ESRRB: variants seen among roughly 807,000 people sequenced by gnomAD.
ESRRB encodes estrogen related receptor beta.
Under a neutral mutation model 46.0 loss-of-function variants are expected in ESRRB, and 16 were observed. The ratio of observed to expected loss-of-function variants is 0.35; its 90% CI spans 0.24 to 0.53. The LOEUF (loss-of-function observed/expected upper bound fraction) is 0.53, where lower values mean the gene tolerates loss of function less well. ESRRB is among the 20% of genes least tolerant of loss of function. The pLI, the probability that ESRRB is intolerant of heterozygous loss-of-function variation, is 0.93. For synonymous variants in ESRRB, 246 were observed against 259.6 expected (o/e 0.95, Z 0.50); for missense variants, 488 against 607.4 (o/e 0.80, Z 2.07).
intron 2 of ESRRB, among the ~76,000 whole-genome samples, chr14:76,447,294 CTTCCTTCT>C (rs1267425686): frequency 8.7e-6 from 1 of 114,942 alleles, no homozygotes; most frequent in African/African-American, 4.0e-5. Flanking sequence ...TCCTTCCTTC[CTTCCTTCT>C]TTCCATTAAC....
chr14:76,469,243 G>A (rs149957152), intron 3 of ESRRB, among the ~76,000 whole-genome samples: 11 of 152,082 alleles, frequency 7.2e-5, no homozygotes, highest in East Asian at 1.9e-4. Context: ...ATAGGCATGC[G>A]CCACCATGCC....
chr14:76,459,359 G>A (rs902132373), intron 2 of ESRRB, among the ~76,000 whole-genome samples: 2 of 152,168 alleles, frequency 1.3e-5, no homozygotes, highest in Non-Finnish European at 2.9e-5. Context: ...ACAACACAGG[G>A]GACATTAATG....
chr14:76,425,562 G>C (rs533792333), intron 1 of ESRRB, among the ~76,000 whole-genome samples: 22 of 151,524 alleles, frequency 1.5e-4, no homozygotes, highest in Middle Eastern at 3.4e-3. Flanking sequence ...AGATTTCCCT[G>C]CTGTCCCTCC....
At chr14:76,334,790 T>C (rs35267160) in intron 1 of ESRRB, among the ~76,000 whole-genome samples, 50,096 of 152,006 alleles carry the variant, frequency 0.33, 9,004 homozygotes, top group Middle Eastern at 0.44. Context: ...GGCTGCTGGG[T>C]TGGGGGAACC....
At chr14:76,372,151 A>G (rs1360101096), upstream of ESRRB, among the ~76,000 whole-genome samples, 3 of 151,966 alleles carry the variant, frequency 2.0e-5, no homozygotes, top group Admixed American at 2.0e-4. Flanking sequence ...TACCCTGAGG[A>G]CTTAGGCAGG....
At chr14:76,462,444 C>T (rs935562884) in intron 2 of ESRRB, 101 bp from the exon 3 acceptor site, 2 of 826,074 alleles carry the variant, frequency 2.4e-6, no homozygotes, top group East Asian at 5.3e-5. Flanking sequence ...GGGGGAGTGG[C>T]AGCTCTGGCA....
intron 6 of ESRRB, among the ~76,000 whole-genome samples, chr14:76,497,353 G>T (rs181954328): frequency 6.6e-6 from 1 of 152,112 alleles, no homozygotes. Context: ...TGCTGATCAC[G>T]CTCTGGGTAA....
intron 1 of ESRRB, among the ~76,000 whole-genome samples, chr14:76,437,560 C>A (rs887363439): frequency 2.0e-5 from 3 of 152,204 alleles, no homozygotes; most frequent in Admixed American, 1.3e-4. Context: ...CTTTGCTCCT[C>A]TGCAAGATCT....
chr14:76,315,204 C>T (rs1883784554), intron 1 of ESRRB, among the ~76,000 whole-genome samples: 1 of 152,064 alleles, frequency 6.6e-6, no homozygotes, highest in Admixed American at 6.5e-5. Context: ...TCTGGGGCAC[C>T]TTCTCCCTTT....
intron 1 of ESRRB, among the ~76,000 whole-genome samples, chr14:76,406,279 G>T (rs1353255017): frequency 6.6e-6 from 1 of 152,148 alleles, no homozygotes; most frequent in Admixed American, 6.5e-5. Context: ...GAGGGTCTCT[G>T]AGGGTGGGAG....
At chr14:76,434,530 C>T (rs1036701294) in intron 1 of ESRRB, among the ~76,000 whole-genome samples, 8 of 151,720 alleles carry the variant, frequency 5.3e-5, no homozygotes, top group Non-Finnish European at 7.4e-5. Context: ...CGTGGAGTCA[C>T]GCGCCTGTAA....
At chr14:76,476,980 T>C (rs1014236095) in intron 3 of ESRRB, among the ~76,000 whole-genome samples, 3 of 152,236 alleles carry the variant, frequency 2.0e-5, no homozygotes, top group Non-Finnish European at 4.4e-5. Context: ...TGGTCCCAGC[T>C]ACTCGAGAGG....
At chr14:76,461,577 C>T (rs573086892) in intron 2 of ESRRB, among the ~76,000 whole-genome samples, 1 of 152,152 alleles carries the variant, frequency 6.6e-6, no homozygotes, top group Non-Finnish European at 1.5e-5. Context: ...GGCGTGATCT[C>T]GGCTCACTGC....
intron 1 of ESRRB, among the ~76,000 whole-genome samples, chr14:76,401,883 A>G (rs981362134): frequency 1.1e-4 from 17 of 152,224 alleles, no homozygotes; most frequent in African/African-American, 4.1e-4. Flanking sequence ...ATTAGCTTAC[A>G]TGATTATGGA....
chr14:76,494,053 G>GC (rs1890328967), intron 6 of ESRRB, among the ~76,000 whole-genome samples: 1 of 152,084 alleles, frequency 6.6e-6, no homozygotes, highest in South Asian at 2.1e-4. Flanking sequence ...CTGAACACAT[G>GC]CCCCCCGTAA....
At position 76,333,166 on chromosome 14, in the gene ESRRB, T is replaced by A. The variant is rs867142305; in HGVS notation, c.2+22250T>A. 1.5e-4 allele frequency among the ~76,000 whole-genome samples: 2 copies of A among 13,374 alleles called. 1 individual carries two copies. Among genetic ancestry groups the A allele is most frequent in the Non-Finnish European group, 2.7e-4 (2 of 7,520 alleles). 8.8% of individuals were successfully genotyped at this position (13,374 alleles called of 152,430 possible). ...ATTATATATTATATATAATATATAT[T>A]ATATATACTATATATATATTATATA... On this transcript the variant is annotated intron_variant, in intron 1 of 6. Coordinates refer to the ESRRB transcript ENST00000512784.
chr14:76,345,855 G>A (rs953637663), intron 1 of ESRRB, among the ~76,000 whole-genome samples: 1 of 152,204 alleles, frequency 6.6e-6, no homozygotes, highest in Admixed American at 6.5e-5. Flanking sequence ...TGTTTTTTAG[G>A]TAGGTACTGT....
At chr14:76,425,854 G>T (rs1262875176) in intron 1 of ESRRB, among the ~76,000 whole-genome samples, 3 of 152,112 alleles carry the variant, frequency 2.0e-5, no homozygotes, top group African/African-American at 7.2e-5. Flanking sequence ...CTCCTGAGTA[G>T]CTGGGATTAC....
At chr14:76,475,157 C>T (rs151333446) in intron 3 of ESRRB, among the ~76,000 whole-genome samples, 77 of 152,040 alleles carry the variant, frequency 5.1e-4, no homozygotes, top group Admixed American at 1.2e-3. Flanking sequence ...TCTCTTGAGG[C>T]TGGGAGGTCA....
Sources: gnomAD v4.1 joint callset for allele counts (sites outside exome capture counted in the v4.1 genomes callset) on GRCh38, gnomAD v4.1.1 for gene constraint, MANE v1.5 for transcripts, NCBI Gene and HGNC (gene_info 2026-07-23, HGNC 2026-07-21) for gene names.